The following NHSL1 variants were observed in gnomAD, a reference collection of about 807,000 sequenced individuals.
NHSL1 encodes NHS like 1.
A neutral mutation model predicts 95.0 loss-of-function variants in NHSL1; 48 were observed. The ratio of observed to expected loss-of-function variants is 0.51; its 90% confidence interval spans 0.40 to 0.64. NHSL1 has a LOEUF of 0.64. NHSL1 is among the 30% of genes least tolerant of loss of function. NHSL1 has a pLI of 0.00. For missense variants in NHSL1, 1,971 were observed against 2,077.7 expected, an observed-to-expected ratio of 0.95 and a Z score of 1.00; for synonymous variants, 783 against 833.9, an observed-to-expected ratio of 0.94 and a Z score of 1.05.
intron 1 of NHSL1, among the ~76,000 whole-genome samples, chr6:138,507,580 T>A (rs1325048216): frequency 1.3e-5 from 2 of 152,186 alleles, no homozygotes; most frequent in African/African-American, 4.8e-5. Context: ...TACAGTTGCA[T>A]AATGAGGTAA....
At chr6:138,457,117 G>C (rs1051541594) in intron 3 of NHSL1, among the ~76,000 whole-genome samples, 3 of 152,116 alleles carry the variant, frequency 2.0e-5, no homozygotes, top group African/African-American at 7.2e-5. Flanking sequence ...CTGACTTCAA[G>C]GGATCCGCCT....
chr6:138,571,279 AG>A (rs149472136), intron 1 of NHSL1, among the ~76,000 whole-genome samples: 1,593 of 152,288 alleles, frequency 0.01, 28 homozygotes, highest in African/African-American at 0.036. Flanking sequence ...CCTCAATCTT[AG>A]AAGAAGGATG....
chr6:138,441,977 C>G lies in NHSL1; in HGVS notation c.664+6G>C. On this transcript the variant is annotated splice_donor_region_variant and intron_variant, in intron 5 of 7. Transcript: ENST00000343505. ...GGCAACAGAATACAGTTCTGATGAG[C>G]CATACCTAGCTCCTTCTGTATGTTG... 6.5e-7 allele frequency: 1 copy of G among 1,548,324 alleles called. No homozygotes were observed. Among genetic ancestry groups the G allele is most frequent in the Non-Finnish European group, 8.7e-7 (1 of 1,145,542 alleles).
chr6:138,598,727 G>T (rs1013390877), intron 1 of NHSL1, among the ~76,000 whole-genome samples: 3 of 151,736 alleles, frequency 2.0e-5, no homozygotes, highest in Non-Finnish European at 2.9e-5. Context: ...CATAGATTTG[G>T]ATTTGCTGAC....
At chr6:138,655,599 C>T (rs1363820935) in intron 1 of NHSL1, among the ~76,000 whole-genome samples, 1 of 152,082 alleles carries the variant, frequency 6.6e-6, no homozygotes, top group Non-Finnish European at 1.5e-5. Flanking sequence ...GGATCACATT[C>T]AACAGCAATA....
intron 1 of NHSL1, among the ~76,000 whole-genome samples, chr6:138,632,780 A>G (rs961852432): frequency 2.0e-5 from 3 of 152,150 alleles, no homozygotes; most frequent in African/African-American, 7.2e-5. Context: ...TACAATAAAT[A>G]TCTAACACTT....
chr6:138,484,514 A>C (rs1779608372), intron 2 of NHSL1, among the ~76,000 whole-genome samples: 1 of 152,150 alleles, frequency 6.6e-6, no homozygotes, highest in African/African-American at 2.4e-5. Flanking sequence ...TACACTACTA[A>C]TTGTGGTCAT....
chr6:138,603,256 C>T (rs998581555), intron 1 of NHSL1, among the ~76,000 whole-genome samples: 3 of 151,752 alleles, frequency 2.0e-5, no homozygotes, highest in Admixed American at 6.6e-5. Flanking sequence ...TGTCATGTTG[C>T]CCAGGCTGGT....
chr6:138,602,876 T>G (rs1180214458), intron 1 of NHSL1, among the ~76,000 whole-genome samples: 1 of 152,214 alleles, frequency 6.6e-6, no homozygotes, highest in African/African-American at 2.4e-5. Context: ...ATCCATGCCT[T>G]CAAGGGACTG....
intron 1 of NHSL1, among the ~76,000 whole-genome samples, chr6:138,683,178 A>G (rs1336858906): frequency 1.3e-5 from 2 of 152,208 alleles, no homozygotes. Context: ...GCAGACAGAA[A>G]GCAACAGCCC....
intron 1 of NHSL1, among the ~76,000 whole-genome samples, chr6:138,689,425 T>C (rs1192656741): frequency 1.3e-5 from 2 of 152,232 alleles, no homozygotes; most frequent in East Asian, 3.8e-4. Context: ...GATAACTTTC[T>C]ACCCATGAGA....
At chr6:138,622,254 G>A (rs1784673828) in intron 1 of NHSL1, among the ~76,000 whole-genome samples, 1 of 152,114 alleles carries the variant, frequency 6.6e-6, no homozygotes, top group African/African-American at 2.4e-5. Context: ...TGTAATCCCA[G>A]CACTTTAGGA....
chr6:138,569,028 A>G (rs1163274455), intron 1 of NHSL1, among the ~76,000 whole-genome samples: 1 of 152,204 alleles, frequency 6.6e-6, no homozygotes, highest in African/African-American at 2.4e-5. Flanking sequence ...GGAGCTCAGC[A>G]GGCTAATGGT....
chr6:138,429,812 T>C lies in NHSL1; in HGVS notation c.3984A>G (p.Ser1328=). The C allele has an allele frequency of 6.4e-7, 1 of 1,551,676 alleles. No individual in the cohort carries two copies. Among genetic ancestry groups the C allele is most frequent in the Admixed American group, 2.0e-5 (1 of 50,980 alleles). ...TGAGGAAGTCACAGGCCTCTGAGGA[T>C]GAACCGGCTGCGTTGGTCTCCGGCA... The part of the protein sequence containing the change: ...AGVPETNAAG[S]SSEACDFLKE... The change falls in exon 7 of 8, where the codon TCA becomes TCG. Residue 1328 remains serine, a synonymous_variant. Coordinates refer to ENST00000343505, the MANE Select transcript of NHSL1 (RefSeq NM_001144060.2).
chr6:138,438,692 T>C (rs941471454), intron 5 of NHSL1, among the ~76,000 whole-genome samples: 8 of 152,176 alleles, frequency 5.3e-5, no homozygotes, highest in African/African-American at 2.4e-5. Flanking sequence ...AAAAAATATA[T>C]GTAATTAAGG....
At chr6:138,550,339 A>G (rs1212028610), upstream of NHSL1, among the ~76,000 whole-genome samples, 1 of 152,234 alleles carries the variant, frequency 6.6e-6, no homozygotes, top group Non-Finnish European at 1.5e-5. Flanking sequence ...CTAGGAAAAA[A>G]TAAGAACTAT....
rs958367627 is a variant in NHSL1, at chr6:138,430,687, C to T, written c.3658G>A (p.Val1220Met). ...KDFAVEPAEN[V>M]SEALRAVPSP... is the part of the protein sequence containing the mutation. ...GGCACAGCTCGGAGGGCTTCGCTCA[C>T]GTTCTCTGCGGGCTCCACTGCAAAA... Residue 1220 changes from valine to methionine, a missense_variant, in exon 6 of 8, where the codon GTG becomes ATG. Val to Met is a conservative substitution (Grantham distance 21). Around this residue, in one of 3 missense-constraint regions of NHSL1, gnomAD observed 1,602 missense variants for 1,654.5 expected, o/e 0.97. Coordinates refer to ENST00000343505, the MANE Select transcript of NHSL1 (RefSeq NM_001144060.2). The surrounding 1 kb of genome is among the most constrained non-coding windows in gnomAD (Gnocchi z 4.7). The T allele has an allele frequency of 6.4e-6, 10 of 1,551,598 alleles. No homozygotes were observed. The highest frequency in any genetic ancestry group is 6.1e-6 in the Non-Finnish European group (7 of 1,147,030).
At chr6:138,665,110 T>C (rs1402457216) in intron 1 of NHSL1, among the ~76,000 whole-genome samples, 1 of 152,198 alleles carries the variant, frequency 6.6e-6, no homozygotes, top group African/African-American at 2.4e-5. Flanking sequence ...AGGAGTTATT[T>C]TGTCTATTTT....
At chr6:138,684,249 C>T (rs1019470313) in intron 1 of NHSL1, among the ~76,000 whole-genome samples, 9 of 151,410 alleles carry the variant, frequency 5.9e-5, no homozygotes, top group African/African-American at 2.2e-4. Context: ...GACAGTCTGA[C>T]ATCAGAAAGC....
Sources: allele counts gnomAD v4.1 joint callset (sites outside exome capture counted in the v4.1 genomes callset), GRCh38; gene constraint gnomAD v4.1.1; regional missense constraint gnomAD v4.1.1; non-coding constraint Gnocchi (gnomAD v3.1); transcripts MANE v1.5; gene names NCBI Gene and HGNC (gene_info 2026-07-23, HGNC 2026-07-21).